The following PLA2G6 variants were observed in gnomAD, a reference collection of about 807,000 sequenced individuals.
PLA2G6 encodes the protein phospholipase A2 group VI, also known as 85/88 kDa calcium-independent phospholipase A2.
PLA2G6 carries 62 observed loss-of-function variants against 83.8 expected under a neutral mutation model. The ratio of observed to expected loss-of-function variants is 0.74; its 90% CI spans 0.60 to 0.91. The LOEUF is 0.91. Ranked by LOEUF, PLA2G6 falls within the 40% of genes least tolerant of loss-of-function variation. PLA2G6 has a pLI of 0.00. For synonymous variants in PLA2G6, 417 were observed against 449.8 expected (o/e 0.93, Z 0.92); for missense variants, 944 against 1,102.0 (o/e 0.86, Z 2.03).
rs2086907789 is a variant in PLA2G6, at chr22:38,112,272, C to G, written c.2310G>C (p.Leu770=). Residue 770 remains leucine, a synonymous_variant, in exon 17 of 17, where the codon CTG becomes CTC. Coordinates refer to ENST00000332509, the MANE Select transcript of PLA2G6 (RefSeq NM_003560.4). ...LNPQLGTDIM[L]DEVSDTVLVN... is the part of the protein sequence containing the mutation. ...CCAGCACTGTGTCACTGACCTCATC[C>G]AGCATGATGTCCGTCCCCAGCTGGG... The G allele has an allele frequency of 1.2e-6, 2 of 1,613,576 alleles. No homozygotes were observed. The highest frequency in any genetic ancestry group is 3.3e-5 in the Admixed American group (2 of 59,976).
In PLA2G6 at chr22:38,169,337, G is replaced by A. The variant is rs745627665; in HGVS notation, c.90C>T (p.Ala30=). The A allele has an allele frequency of 1.9e-5, 31 of 1,614,016 alleles. No homozygotes were observed. Among genetic ancestry groups the A allele is most frequent in the Non-Finnish European group, 2.5e-5 (30 of 1,180,016 alleles). The change falls in exon 2 of 17, where the codon GCC becomes GCT. Residue 30 remains alanine, a synonymous_variant. Coordinates refer to ENST00000332509, the MANE Select transcript of PLA2G6 (RefSeq NM_003560.4). ...NPFRVKEVAV[A]DYTSSDRVRE... ...GAACTCGGTCACTCGAGGTGTAGTCGGCCACAGCCACCTCCTTCACCCGGA... is the reference window on the plus strand; with the variant it reads ...GAACTCGGTCACTCGAGGTGTAGTCAGCCACAGCCACCTCCTTCACCCGGA...
chr22:38,175,955 C>T (rs982499744), intron 1 of PLA2G6, among the ~76,000 whole-genome samples: 2 of 152,212 alleles, frequency 1.3e-5, no homozygotes, highest in African/African-American at 4.8e-5. Context: ...AGCCCCCAGA[C>T]ACACTTTATT....
intron 2 of PLA2G6, chr22:38,148,536 G>T (rs2089393062): frequency 1.4e-6 from 1 of 717,290 alleles, no homozygotes; most frequent in Non-Finnish European, 2.6e-6. Flanking sequence ...GCAGTGTTCA[G>T]GTGGCTGTTA....
At position 38,180,142 on chromosome 22, in the gene PLA2G6, C is replaced by A. The variant is rs902323068; in HGVS notation, c.-46+1522G>T. 1.4e-4 allele frequency among the ~76,000 whole-genome samples: 5 copies of A among 35,672 alleles called. No homozygotes were observed. The Admixed American group carries it at 1.6e-3, about 11-fold the overall frequency. 23.4% of individuals were successfully genotyped at this position (35,672 alleles called of 152,430 possible). A position where few individuals can be genotyped will look rare whatever the true frequency, so the allele number is the denominator to read the frequency against. The stretch of plus-strand genomic sequence containing the variant: ...CACACACCCAATAGATGTCTGCAGA[C>A]ACACACACACACACACACACACACA... On this transcript the variant is annotated intron_variant, in intron 1 of 16. Coordinates refer to ENST00000332509, the MANE Select transcript of PLA2G6 (RefSeq NM_003560.4).
At chr22:38,143,991 G>A (rs1807712) in intron 3 of PLA2G6, 48,831 of 166,624 alleles carry the variant, frequency 0.29, 8,064 homozygotes, top group South Asian at 0.41. Context: ...TGATACACCC[G>A]CCTCGGCCTC....
intron 5 of PLA2G6, chr22:38,138,490 G>C (rs986837274): frequency 1.3e-5 from 2 of 152,324 alleles, no homozygotes; most frequent in African/African-American, 4.8e-5. Flanking sequence ...CCCTGCCTGA[G>C]TGCTGCCCGT....
At chr22:38,142,423 C>T (rs1241395570) in intron 4 of PLA2G6, 1 of 154,908 alleles carries the variant, frequency 6.5e-6, no homozygotes, top group African/African-American at 2.4e-5. Context: ...CATCTTTTGC[C>T]CAGGTAATCA....
chr22:38,161,370 T>C (rs2090003378), intron 2 of PLA2G6, among the ~76,000 whole-genome samples: 1 of 152,134 alleles, frequency 6.6e-6, no homozygotes, highest in Non-Finnish European at 1.5e-5. Context: ...CATCTCTTTC[T>C]TGCCTCTTCG....
intron 14 of PLA2G6, 139 bp downstream of exon 14, chr22:38,115,388 T>C (rs2087126825): frequency 2.6e-6 from 2 of 756,834 alleles, no homozygotes; most frequent in South Asian, 1.5e-5. Context: ...TGAGATCAAT[T>C]TGCCCTGTGT....
At chr22:38,157,551 C>G (rs1258144431) in intron 2 of PLA2G6, among the ~76,000 whole-genome samples, 1 of 152,114 alleles carries the variant, frequency 6.6e-6, no homozygotes, top group Non-Finnish European at 1.5e-5. Context: ...AATACCAACC[C>G]TACTCAAACT....
chr22:38,169,554 AC>A, intron 1 of PLA2G6, 83 bp from the exon 2 acceptor site: 1 of 756,948 alleles, frequency 1.3e-6, no homozygotes, highest in Non-Finnish European at 2.3e-6. Flanking sequence ...CTGCACAGAC[AC>A]CCAGATCACT....
chr22:38,112,613 C>A, intron 15 of PLA2G6, 36 bp from the exon 16 acceptor site: 1 of 1,519,772 alleles, frequency 6.6e-7, no homozygotes, highest in South Asian at 1.2e-5. Context: ...GCCGGGCCCA[C>A]ACCCCGCCCG....
chr22:38,131,381 A>C (rs1223515370), intron 7 of PLA2G6: 1 of 150,494 alleles, frequency 6.6e-6, no homozygotes, highest in Non-Finnish European at 1.5e-5. Context: ...CATAGTAGGC[A>C]TATATATTTA....
At chr22:38,164,115 AC>A (rs1392629715) in intron 2 of PLA2G6, among the ~76,000 whole-genome samples, 1 of 152,170 alleles carries the variant, frequency 6.6e-6, no homozygotes, top group East Asian at 1.9e-4. Context: ...ATTAATCTGT[AC>A]CAGGAACAGA....
chr22:38,124,911 T>A (rs2087744305), intron 10 of PLA2G6, among the ~76,000 whole-genome samples: 1 of 152,112 alleles, frequency 6.6e-6, no homozygotes, highest in Non-Finnish European at 1.5e-5. Flanking sequence ...GCGACAGAGA[T>A]CAACCCAGAG....
At chr22:38,144,248 C>G (rs11089869) in intron 3 of PLA2G6, 1 of 152,444 alleles carries the variant, frequency 6.6e-6, no homozygotes, top group Non-Finnish European at 1.5e-5. Flanking sequence ...TCCAGAAGAG[C>G]AGCCTGGGCA....
At chr22:38,115,992 T>C (rs2087169419) in intron 13 of PLA2G6, 83 bp downstream of exon 13, 5 of 1,541,860 alleles carry the variant, frequency 3.2e-6, no homozygotes, top group African/African-American at 1.4e-5. Context: ...GGGTGCCTGA[T>C]GGCAAGTGCA....
chr22:38,113,403 A>T, intron 15 of PLA2G6, 84 bp downstream of exon 15: 1 of 1,339,058 alleles, frequency 7.5e-7, no homozygotes, highest in Non-Finnish European at 1.1e-6. Context: ...CTCCAACACC[A>T]AAGGCCCCAC....
chr22:38,168,406 C>T (rs1425180380), intron 2 of PLA2G6, among the ~76,000 whole-genome samples: 2 of 152,248 alleles, frequency 1.3e-5, no homozygotes, highest in African/African-American at 4.8e-5. Context: ...CCAGCTCTGC[C>T]GTTGGCCCGG....
Sources: allele counts gnomAD v4.1 joint callset (sites outside exome capture counted in the v4.1 genomes callset), GRCh38; gene constraint gnomAD v4.1.1; transcripts MANE v1.5; gene names NCBI Gene and HGNC (gene_info 2026-07-23, HGNC 2026-07-21).